RASGRF2: variants seen among roughly 807,000 people sequenced by gnomAD.
RASGRF2 encodes Ras protein specific guanine nucleotide releasing factor 2.
RASGRF2 carries 76 observed loss-of-function variants against 151.0 expected under a neutral mutation model. That is an observed-to-expected ratio of 0.50 (90% CI 0.42 to 0.61). The LOEUF (loss-of-function observed/expected upper bound fraction) is 0.61, where lower values mean the gene tolerates loss of function less well. Ranked by LOEUF, RASGRF2 falls within the 20% of genes least tolerant of loss-of-function variation. The pLI, the probability that RASGRF2 is intolerant of heterozygous loss-of-function variation, is 0.00. For synonymous variants in RASGRF2, 504 were observed against 566.5 expected (o/e 0.89, Z 1.57); for missense variants, 1,148 against 1,564.6 (o/e 0.73, Z 4.49).
intron 2 of RASGRF2, among the ~76,000 whole-genome samples, chr5:81,048,746 C>T (rs868426851): frequency 4.6e-5 from 7 of 152,198 alleles, no homozygotes; most frequent in African/African-American, 1.7e-4. Flanking sequence ...ACTTTGAGCT[C>T]TCTCTCTGAT....
intron 12 of RASGRF2, among the ~76,000 whole-genome samples, chr5:81,101,633 T>C (rs1752701622): frequency 6.6e-6 from 1 of 152,166 alleles, no homozygotes; most frequent in Admixed American, 6.5e-5. Context: ...TTTCTTTCTC[T>C]CTGTCTCTCT....
intron 18 of RASGRF2, among the ~76,000 whole-genome samples, chr5:81,182,975 C>T (rs1374566360): frequency 2.0e-5 from 3 of 152,162 alleles, no homozygotes; most frequent in African/African-American, 4.8e-5. Context: ...CATCATAAAG[C>T]GAAGGGCTTG....
rs1453547664 is a variant in RASGRF2, at chr5:81,085,831, G to C, written c.1191G>C (p.Glu397Asp). 6.2e-7 allele frequency: 1 copy of C among 1,613,922 alleles called. No individual in the cohort carries two copies. Among genetic ancestry groups the C allele is most frequent in the Non-Finnish European group, 8.5e-7 (1 of 1,180,014 alleles). The change falls in exon 8 of 27, where the codon GAG becomes GAC. Residue 397 changes from glutamate to aspartate, a missense_variant. Transcript: ENST00000265080. ...QIPRYIITLHELLAHTPHEHV... is the reference protein window; with the variant it reads ...QIPRYIITLHDLLAHTPHEHV... ...CCAGATATATCATCACACTCCATGA[G>C]CTCCTTGCTCACACACCCCATGAGC...
At chr5:81,178,887 C>T (rs187054866) in intron 17 of RASGRF2, among the ~76,000 whole-genome samples, 1,986 of 152,158 alleles carry the variant, frequency 0.013, 37 homozygotes, top group African/African-American at 0.044. Context: ...TACAGGCGCC[C>T]GCCACCACGC....
At chr5:81,180,390 C>T (rs900701554) in intron 18 of RASGRF2, 109 bp downstream of exon 18, 2 of 692,642 alleles carry the variant, frequency 2.9e-6, no homozygotes, top group Admixed American at 4.1e-5. Flanking sequence ...CAATGTGAAA[C>T]CTTGACACTG....
intron 17 of RASGRF2, among the ~76,000 whole-genome samples, chr5:81,135,280 G>A (rs1276645536): frequency 6.6e-6 from 1 of 152,098 alleles, no homozygotes; most frequent in Non-Finnish European, 1.5e-5. Flanking sequence ...TCCCAGCCTG[G>A]GCGACAGAGC....
chr5:81,189,283 C>T (rs1280873919), intron 18 of RASGRF2, among the ~76,000 whole-genome samples: 1 of 152,212 alleles, frequency 6.6e-6, no homozygotes. Context: ...ATGCTGCCCA[C>T]TGCTCAGGCA....
intron 1 of RASGRF2, chr5:80,997,794 C>A (rs2112280878): frequency 6.6e-6 from 1 of 151,648 alleles, no homozygotes; most frequent in South Asian, 2.1e-4. Context: ...ACGGTGAAAC[C>A]CCGTCTCTAC....
At chr5:81,083,732 G>A (rs1383339576) in intron 7 of RASGRF2, among the ~76,000 whole-genome samples, 3 of 152,164 alleles carry the variant, frequency 2.0e-5, no homozygotes, top group African/African-American at 7.2e-5. Context: ...ATATGTATGT[G>A]TCGAAAGTCC....
chr5:81,057,929 G>C (rs1201650875), intron 2 of RASGRF2, among the ~76,000 whole-genome samples: 1 of 151,980 alleles, frequency 6.6e-6, no homozygotes, highest in Non-Finnish European at 1.5e-5. Flanking sequence ...CCAGGAGGTC[G>C]AGGCTGCAGT....
At chr5:81,149,494 G>A (rs1230631861) in intron 17 of RASGRF2, among the ~76,000 whole-genome samples, 2 of 152,060 alleles carry the variant, frequency 1.3e-5, no homozygotes, top group Non-Finnish European at 2.9e-5. Flanking sequence ...TGGGAGGGGA[G>A]GAGGGGTAAA....
chr5:81,166,188 C>CT (rs1382585485), intron 17 of RASGRF2, among the ~76,000 whole-genome samples: 5 of 152,030 alleles, frequency 3.3e-5, no homozygotes, highest in South Asian at 4.2e-4. Context: ...TTCTTTTCTT[C>CT]TTTTTTTGTA....
At chr5:81,140,538 G>C (rs1753860773) in intron 17 of RASGRF2, among the ~76,000 whole-genome samples, 1 of 152,064 alleles carries the variant, frequency 6.6e-6, no homozygotes, top group African/African-American at 2.4e-5. Context: ...ACACTCCTGA[G>C]CCTGCGAAGC....
At chr5:81,098,029 A>G (rs1752595277) in intron 12 of RASGRF2, among the ~76,000 whole-genome samples, 1 of 152,236 alleles carries the variant, frequency 6.6e-6, no homozygotes, top group South Asian at 2.1e-4. Context: ...GCAATAGTCC[A>G]GGCGAGAGAT....
In RASGRF2 at chr5:81,201,209, G is replaced by A. The variant is rs534498741; in HGVS notation, c.2794-121G>A. 441 of 1,425,304 alleles carry A rather than the reference G, an allele frequency of 3.1e-4. 1 individual carries two copies. The Middle Eastern group carries it at 3.9e-3, about 13-fold the overall frequency. The allele number at this position is 1,425,304 out of a possible 1,614,324, so 88.3% of individuals were successfully genotyped here. On this transcript the variant is annotated intron_variant, in intron 18 of 26. Transcript: ENST00000265080. The stretch of plus-strand genomic sequence containing the variant: ...CCTAGGTGTGGCAGGGAACTCTAGG[G>A]TCCATACATTTTAATTTCCATACCT...
chr5:81,030,883 G>C (rs1293157273), intron 1 of RASGRF2, among the ~76,000 whole-genome samples: 1 of 152,308 alleles, frequency 6.6e-6, no homozygotes, highest in East Asian at 1.9e-4. Context: ...AGACCCATCA[G>C]TGTGCTGTAT....
chr5:81,014,278 C>G (rs996670178), intron 1 of RASGRF2, among the ~76,000 whole-genome samples: 25 of 152,104 alleles, frequency 1.6e-4, no homozygotes, highest in African/African-American at 5.8e-4. Context: ...AAGACACACC[C>G]AAGACTGGGC....
chr5:81,221,235 A>G (rs1464898198), intron 26 of RASGRF2, among the ~76,000 whole-genome samples: 1 of 152,082 alleles, frequency 6.6e-6, no homozygotes. Flanking sequence ...GGAAGTCACT[A>G]TGAACACCCC....
chr5:81,003,488 G>T (rs1239857144), intron 1 of RASGRF2, among the ~76,000 whole-genome samples: 1 of 152,096 alleles, frequency 6.6e-6, no homozygotes, highest in East Asian at 1.9e-4. Context: ...CTCCCAAAGT[G>T]CTGGGATTAC....
Sources: allele counts gnomAD v4.1 joint callset (sites outside exome capture counted in the v4.1 genomes callset), GRCh38; gene constraint gnomAD v4.1.1; transcripts MANE v1.5; gene names NCBI Gene and HGNC (gene_info 2026-07-23, HGNC 2026-07-21).